ADGRB3: variants seen among roughly 807,000 people sequenced by gnomAD.
ADGRB3 encodes the protein brain-specific angiogenesis inhibitor 3.
ADGRB3 carries 37 observed loss-of-function variants against 193.4 expected under a neutral mutation model. The ratio of observed to expected loss-of-function variants is 0.19; its 90% CI spans 0.15 to 0.25. The LOEUF (loss-of-function observed/expected upper bound fraction) is 0.25. ADGRB3 is among the 10% of genes least tolerant of loss of function. The probability of loss-of-function intolerance (pLI) is 1.00; values close to 1 mark genes in which losing one functional copy is unlikely to be tolerated. For synonymous variants in ADGRB3, 690 were observed against 644.2 expected (o/e 1.07, Z -1.08); for missense variants, 1,637 against 1,852.9 (o/e 0.88, Z 2.14).
At chr6:69,188,055 A>G (rs1765105420) in intron 17 of ADGRB3, among the ~76,000 whole-genome samples, 1 of 152,218 alleles carries the variant, frequency 6.6e-6, no homozygotes, top group Non-Finnish European at 1.5e-5. Context: ...TGTAAAAGAC[A>G]TCTTAAACTT....
At chr6:69,110,149 A>T (rs1464075798) in intron 17 of ADGRB3, among the ~76,000 whole-genome samples, 1 of 151,752 alleles carries the variant, frequency 6.6e-6, no homozygotes, top group Non-Finnish European at 1.5e-5. Context: ...GGTTTTACCG[A>T]CTTGGCCAGG....
chr6:69,055,538 T>C (rs147390442), intron 15 of ADGRB3, among the ~76,000 whole-genome samples: 99 of 152,354 alleles, frequency 6.5e-4, no homozygotes, highest in African/African-American at 2.2e-3. Flanking sequence ...CATTCTTCCA[T>C]TGATGGACAA....
At position 68,847,548 on chromosome 6, in the gene ADGRB3, G is replaced by A. The variant is rs188210021; in HGVS notation, c.758-83011G>A. ...TGAATAAGTCTCACAAGATCTAATG[G>A]GTTTATCAGGGGTTTCCACTTTTGC... is the stretch of plus-strand genomic sequence containing the variant. On this transcript the variant is annotated intron_variant, in intron 3 of 31. Transcript: ENST00000370598. 5.3e-5 allele frequency among the ~76,000 whole-genome samples: 8 copies of A among 152,214 alleles called. No homozygotes were observed. The East Asian group carries it at 1.4e-3, about 26-fold the overall frequency.
intron 3 of ADGRB3, among the ~76,000 whole-genome samples, chr6:68,683,450 A>T (rs1012609902): frequency 3.9e-5 from 6 of 152,206 alleles, no homozygotes; most frequent in Admixed American, 2.6e-4. Context: ...TTAAATTTTT[A>T]AAAGTTGGCT....
At chr6:68,842,710 A>G (rs1017757635) in intron 3 of ADGRB3, among the ~76,000 whole-genome samples, 1 of 152,034 alleles carries the variant, frequency 6.6e-6, no homozygotes, top group Non-Finnish European at 1.5e-5. Flanking sequence ...GCAAAGACAT[A>G]TCAAAAAAAA....
chr6:69,136,711 C>A (rs1015400267), intron 17 of ADGRB3, among the ~76,000 whole-genome samples: 1 of 151,284 alleles, frequency 6.6e-6, no homozygotes, highest in Non-Finnish European at 1.5e-5. Flanking sequence ...ATTTTAGTTC[C>A]TTTGCTTTGA....
chr6:69,276,203 G>A (rs1171530424), intron 20 of ADGRB3, among the ~76,000 whole-genome samples: 2 of 152,200 alleles, frequency 1.3e-5, no homozygotes, highest in Non-Finnish European at 2.9e-5. Flanking sequence ...TCTGTGAAAT[G>A]TCTCCATTTA....
chr6:69,012,054 T>A (rs1769954453), intron 11 of ADGRB3, among the ~76,000 whole-genome samples: 1 of 152,068 alleles, frequency 6.6e-6, no homozygotes, highest in African/African-American at 2.4e-5. Context: ...AATTTGTGTT[T>A]TTTATGTGTG....
intron 5 of ADGRB3, among the ~76,000 whole-genome samples, chr6:68,939,671 A>G (rs6920061): frequency 0.78 from 118,468 of 152,112 alleles, 47,394 homozygotes; most frequent in Non-Finnish European, 0.88. Flanking sequence ...GTGCTCAAAT[A>G]TTTTATGTTA....
At chr6:68,715,844 A>G (rs546976238) in intron 3 of ADGRB3, among the ~76,000 whole-genome samples, 13 of 151,894 alleles carry the variant, frequency 8.6e-5, no homozygotes, top group African/African-American at 2.7e-4. Flanking sequence ...TTACATAACA[A>G]TGTGCCCCAA....
chr6:69,376,082 CTTTTTTT>C lies in ADGRB3; in HGVS notation c.4275+3663_4275+3669del, dbSNP rs58780409. Among the ~76,000 whole-genome samples, 152 of 67,370 alleles carry C rather than the reference CTTTTTTT, an allele frequency of 2.3e-3. 1 individual carries two copies. Among genetic ancestry groups the C allele is most frequent in the Non-Finnish European group, 3.6e-3 (128 of 35,710 alleles). 44.2% of individuals were successfully genotyped at this position (67,370 alleles called of 152,430 possible). On this transcript the variant is annotated intron_variant, in intron 30 of 31. Coordinates refer to ENST00000370598, the MANE Select transcript of ADGRB3 (RefSeq NM_001704.3). ...CAGTTTTCCATGAAAATTATGTAGC[CTTTTTTT>C]TTTTTTTTTTTTTTTTTTTTTGACA...
chr6:69,146,862 C>CCT (rs1774515694), intron 17 of ADGRB3, among the ~76,000 whole-genome samples: 1 of 118,078 alleles, frequency 8.5e-6, no homozygotes, highest in South Asian at 2.8e-4. Context: ...AGGTTTTGGA[C>CCT]CTCTTCATGG....
chr6:69,364,128 G>C (rs1272027698), intron 29 of ADGRB3, among the ~76,000 whole-genome samples: 3 of 151,994 alleles, frequency 2.0e-5, no homozygotes, highest in Non-Finnish European at 4.4e-5. Context: ...GGATGGCCAA[G>C]ATCCTCAGGA....
intron 3 of ADGRB3, among the ~76,000 whole-genome samples, chr6:68,816,335 T>G (rs1254983451): frequency 6.8e-6 from 1 of 147,404 alleles, no homozygotes; most frequent in Admixed American, 6.8e-5. Context: ...GTTATGACAC[T>G]GTTAAATGTA....
At chr6:69,359,111 A>G (rs1443734037) in intron 28 of ADGRB3, among the ~76,000 whole-genome samples, 1 of 151,766 alleles carries the variant, frequency 6.6e-6, no homozygotes, top group Admixed American at 6.6e-5. Context: ...ACTTATCTAT[A>G]TATTTTAATG....
intron 24 of ADGRB3, among the ~76,000 whole-genome samples, chr6:69,335,030 TCTAA>T (rs1235929193): frequency 1.3e-5 from 2 of 152,146 alleles, no homozygotes; most frequent in African/African-American, 2.4e-5. Flanking sequence ...TTTGAAGGTC[TCTAA>T]CTGTCAATCA....
intron 3 of ADGRB3, among the ~76,000 whole-genome samples, chr6:68,751,297 G>A (rs1003421591): frequency 4.6e-5 from 7 of 151,834 alleles, no homozygotes; most frequent in East Asian, 1.9e-4. Flanking sequence ...TATCCCTCTC[G>A]GTAAGAATAT....
intron 23 of ADGRB3, chr6:69,331,799 T>A (rs183195991): frequency 1.0e-6 from 1 of 985,258 alleles, no homozygotes; most frequent in East Asian, 1.1e-4. Context: ...GGTGACAAAT[T>A]CCCTTATGAT....
chr6:69,010,164 C>A (rs1769891702), intron 11 of ADGRB3, among the ~76,000 whole-genome samples: 1 of 152,010 alleles, frequency 6.6e-6, no homozygotes, highest in African/African-American at 2.4e-5. Context: ...CCTCTTTGAC[C>A]TTTGTGTACC....
Sources: allele counts gnomAD v4.1 joint callset (sites outside exome capture counted in the v4.1 genomes callset), GRCh38; gene constraint gnomAD v4.1.1; transcripts MANE v1.5; gene names NCBI Gene and HGNC (gene_info 2026-07-23, HGNC 2026-07-21).